The following CDKL1 variants were observed in gnomAD, a reference collection of about 807,000 sequenced individuals.
CDKL1 encodes the protein cyclin dependent kinase like 1.
Under a neutral mutation model 42.0 loss-of-function variants are expected in CDKL1, and 41 were observed. That is an observed-to-expected ratio of 0.98 (90% confidence interval 0.76 to 1.27). CDKL1 has a LOEUF of 1.27. CDKL1 is among the 50% of genes most tolerant of loss of function. CDKL1 has a pLI of 0.00. For synonymous variants in CDKL1, 153 were observed against 158.6 expected (o/e 0.96, Z 0.26); for missense variants, 394 against 428.4 (o/e 0.92, Z 0.71).
rs1271185806 is a variant in CDKL1, at chr14:50,329,095, C to T, written c.*979G>A. On this transcript the variant is annotated 3_prime_UTR_variant, in exon 10 of 10. Coordinates refer to ENST00000395834, the MANE Select transcript of CDKL1 (RefSeq NM_004196.7). ...CATACATACACATACAAACATAGTG[C>T]AAAAAGATGTTTCAGGGAAAACATC... 6.8e-6 allele frequency: 1 copy of T among 148,064 alleles called. No homozygotes were observed. The allele number at this position is 148,064 out of a possible 1,614,324, so 9.2% of individuals were successfully genotyped here. A position where few individuals can be genotyped will look rare whatever the true frequency, so the allele number is the denominator to read the frequency against.
At position 50,392,639 on chromosome 14, in the gene CDKL1, C is replaced by A. The variant is rs185337876; in HGVS notation, c.168+3062G>T. Among the ~76,000 whole-genome samples, 533 of 152,058 alleles carry A rather than the reference C, an allele frequency of 3.5e-3. 4 individuals carry two copies. Among genetic ancestry groups the A allele is most frequent in the Non-Finnish European group, 6.2e-3 (419 of 67,974 alleles). On this transcript the variant is annotated intron_variant, in intron 2 of 9. Transcript: ENST00000395834. ...CCTGTCCCTCCATCCCACATGGTGA[C>A]CTCCTCCGGTCCCACAGCTTTAAAT...
chr14:50,355,916 G>A (rs955164984), intron 3 of CDKL1, among the ~76,000 whole-genome samples: 1 of 152,348 alleles, frequency 6.6e-6, no homozygotes, highest in South Asian at 2.1e-4. Flanking sequence ...GGGGAGTGGG[G>A]TGGTAGAGTG....
Position 50,390,208 on chromosome 14 carries a change from A to C in CDKL1, c.168+5493T>G, listed in dbSNP as rs1255756278. The C allele has an allele frequency of 2.2e-6, 3 of 1,363,920 alleles. No homozygotes were observed. The Admixed American group carries it at 5.7e-5, about 26-fold the overall frequency. 84.5% of individuals were successfully genotyped at this position (1,363,920 alleles called of 1,614,324 possible). A position where few individuals can be genotyped will look rare whatever the true frequency, so the allele number is the denominator to read the frequency against. ...TTCTGGAGGGAGACATGTCATAGAC[A>C]ATGTCCCAGCTGCTGCTTTCAGCCC... On this transcript the variant is annotated intron_variant, in intron 2 of 9. Transcript: ENST00000395834.
At chr14:50,335,295 CAAAAAAAAAA>C (rs55777134) in intron 7 of CDKL1, among the ~76,000 whole-genome samples, 51 of 54,322 alleles carry the variant, frequency 9.4e-4, no homozygotes, top group African/African-American at 3.1e-3. Flanking sequence ...GACCCTGTCT[CAAAAAAAAAA>C]AAAAAAAAAA....
At chr14:50,338,024 C>T (rs541108253) in intron 7 of CDKL1, among the ~76,000 whole-genome samples, 1 of 152,060 alleles carries the variant, frequency 6.6e-6, no homozygotes, top group Admixed American at 6.5e-5. Flanking sequence ...TGATGGAATA[C>T]TAAAGGAAAT....
chr14:50,348,465 A>G (rs1438557315), intron 3 of CDKL1, among the ~76,000 whole-genome samples: 1 of 152,214 alleles, frequency 6.6e-6, no homozygotes, highest in African/African-American at 2.4e-5. Flanking sequence ...TTCTGAAAAC[A>G]GGGGATTAAA....
chr14:50,332,767 C>T (rs2033031369), intron 8 of CDKL1: 1 of 987,002 alleles, frequency 1.0e-6, no homozygotes, highest in Admixed American at 2.8e-5. Flanking sequence ...AGTTTGGTCC[C>T]TTGCATGTAC....
intron 2 of CDKL1, chr14:50,376,262 T>C: frequency 4.8e-6 from 2 of 419,830 alleles, no homozygotes; most frequent in Non-Finnish European, 9.7e-6. Context: ...CTCTACTATC[T>C]TCTAGTTTTT....
chr14:50,377,879 G>A (rs2034780952), intron 2 of CDKL1: 1 of 490,524 alleles, frequency 2.0e-6, no homozygotes, highest in African/African-American at 2.0e-5. Flanking sequence ...TGGGAGTCAG[G>A]AGGCCTTGCT....
At position 50,332,903 on chromosome 14, in the gene CDKL1, C is replaced by CTTTT. The variant is rs35560184; in HGVS notation, c.796-475_796-472dup. On this transcript the variant is annotated intron_variant, in intron 8 of 9. Coordinates refer to ENST00000395834, the MANE Select transcript of CDKL1 (RefSeq NM_004196.7). ...CCCTTCACCCTTCTAAAATCAGCTA[C>CTTTT]TTTTTTTTTTTTTTTTTTTTGGTGT... 2.4e-3 allele frequency: 637 copies of CTTTT among 262,958 alleles called. 5 individuals carry two copies. Among genetic ancestry groups the CTTTT allele is most frequent in the African/African-American group, 0.014 (530 of 37,404 alleles). 16.3% of individuals were successfully genotyped at this position (262,958 alleles called of 1,614,324 possible).
intron 2 of CDKL1, among the ~76,000 whole-genome samples, chr14:50,368,305 G>A (rs2034487641): frequency 1.3e-5 from 2 of 151,986 alleles, no homozygotes; most frequent in South Asian, 4.1e-4. Flanking sequence ...TACCCAGGCT[G>A]GAGTGCAGTG....
At chr14:50,392,221 G>A (rs376700687) in intron 2 of CDKL1, among the ~76,000 whole-genome samples, 4 of 152,248 alleles carry the variant, frequency 2.6e-5, no homozygotes, top group African/African-American at 7.2e-5. Context: ...CAAGGTGGGC[G>A]GGTCATTTGA....
chr14:50,371,150 C>G (rs951453468), intron 2 of CDKL1, among the ~76,000 whole-genome samples: 1 of 152,162 alleles, frequency 6.6e-6, no homozygotes, highest in African/African-American at 2.4e-5. Flanking sequence ...ATATATTCAT[C>G]CACTGATGGC....
At chr14:50,361,522 C>T (rs1028160575) in intron 2 of CDKL1, among the ~76,000 whole-genome samples, 4 of 152,246 alleles carry the variant, frequency 2.6e-5, no homozygotes, top group African/African-American at 9.6e-5. Context: ...GCACTGGTGT[C>T]TGCGGAGGCA....
intron 3 of CDKL1, among the ~76,000 whole-genome samples, chr14:50,346,392 G>A (rs539111279): frequency 2.6e-5 from 4 of 152,052 alleles, no homozygotes; most frequent in East Asian, 1.9e-4. Context: ...AGTCACTGTC[G>A]AGAAAAAAGG....
At chr14:50,331,959 C>T in intron 9 of CDKL1, 2 of 1,372,904 alleles carry the variant, frequency 1.5e-6, no homozygotes, top group Admixed American at 2.8e-5. Context: ...TTTTCCAAAG[C>T]CCAAAAAGTC....
rs1291421735 is a variant in CDKL1, at chr14:50,395,814, AAACAACTCC to A, written c.46_54del (p.Gly16_Val18del). On this transcript the variant is annotated inframe_deletion, in exon 2 of 10. Coordinates refer to ENST00000395834, the MANE Select transcript of CDKL1 (RefSeq NM_004196.7). ...CCCGTGTCCCTGTTTCTACATTTGA[AAACAACTCC>A]ATAGGATCCTTCTCCAATTTTCCCA... 6.2e-7 allele frequency: 1 copy of A among 1,612,234 alleles called. No homozygotes were observed. Among genetic ancestry groups the A allele is most frequent in the Non-Finnish European group, 8.5e-7 (1 of 1,178,358 alleles).
At chr14:50,331,401 T>C (rs1444319521) in intron 9 of CDKL1, 1 of 152,558 alleles carries the variant, frequency 6.6e-6, no homozygotes, top group East Asian at 1.9e-4. Context: ...GGGTCACATA[T>C]GATGGAGAAT....
intron 2 of CDKL1, among the ~76,000 whole-genome samples, chr14:50,391,985 C>A (rs952547236): frequency 1.3e-5 from 2 of 152,228 alleles, no homozygotes; most frequent in Non-Finnish European, 2.9e-5. Context: ...TCTCGTCTCT[C>A]TTAATCCCTT....
Sources: allele counts gnomAD v4.1 joint callset (sites outside exome capture counted in the v4.1 genomes callset), GRCh38; gene constraint gnomAD v4.1.1; transcripts MANE v1.5; gene names NCBI Gene and HGNC (gene_info 2026-07-23, HGNC 2026-07-21).